The following PPP1R12B variants were observed in gnomAD, a reference collection of about 807,000 sequenced individuals.
PPP1R12B encodes the protein myosin phosphatase target subunit 2.
In PPP1R12B, 76 loss-of-function variants were observed where a neutral mutation model predicts 126.1. That is an observed-to-expected ratio of 0.60 (90% CI 0.50 to 0.73). PPP1R12B has a LOEUF of 0.73. Ranked by LOEUF, PPP1R12B falls within the 30% of genes least tolerant of loss-of-function variation. PPP1R12B has a pLI of 0.00. For missense variants in PPP1R12B, 1,052 were observed against 1,205.1 expected (o/e 0.87, Z 1.88); for synonymous variants, 356 against 434.7 (o/e 0.82, Z 2.25).
chr1:202,497,190 G>A (rs1275656435), intron 18 of PPP1R12B, among the ~76,000 whole-genome samples: 3 of 152,214 alleles, frequency 2.0e-5, no homozygotes, highest in Non-Finnish European at 4.4e-5. Flanking sequence ...AATAGAGAGG[G>A]ACATAAATGT....
intron 13 of PPP1R12B, among the ~76,000 whole-genome samples, chr1:202,452,885 T>G (rs2148729874): frequency 6.6e-6 from 1 of 152,074 alleles, no homozygotes; most frequent in East Asian, 1.9e-4. Flanking sequence ...CAAGCTGGTC[T>G]CAAACTCCTG....
At chr1:202,569,687 C>T (rs2149028663) in intron 23 of PPP1R12B, among the ~76,000 whole-genome samples, 1 of 152,272 alleles carries the variant, frequency 6.6e-6, no homozygotes, top group East Asian at 1.9e-4. Context: ...AATGTATTCA[C>T]ATATTGATTT....
chr1:202,527,576 T>G (rs1008892663), intron 18 of PPP1R12B: 4 of 152,166 alleles, frequency 2.6e-5, no homozygotes, highest in Admixed American at 6.5e-5. Flanking sequence ...AAACTTAGTT[T>G]AAGTGGACAC....
chr1:202,495,667 T>C lies in PPP1R12B; in HGVS notation c.2433T>C (p.Asn811=). The change falls in exon 17 of 24, where the codon AAT becomes AAC. Residue 811 remains asparagine, a synonymous_variant. Coordinates refer to ENST00000608999, the MANE Select transcript of PPP1R12B (RefSeq NM_002481.4). Reference sequence around the variant, plus strand: ...AACGACGAAGAGGCACAGGCATCAATTTCTGGACAAAGGATGTAAGTGGAT... The same window carrying C: ...AACGACGAAGAGGCACAGGCATCAACTTCTGGACAAAGGATGTAAGTGGAT... ...PKERRRGTGI[N]FWTKDEDETD... is the part of the protein sequence containing the mutation. 1.2e-6 allele frequency: 2 copies of C among 1,614,018 alleles called. No homozygotes were observed. The highest frequency in any genetic ancestry group is 1.7e-6 in the Non-Finnish European group (2 of 1,179,952).
chr1:202,566,613 G>GAT (rs1688072254), intron 21 of PPP1R12B, among the ~76,000 whole-genome samples: 1 of 152,160 alleles, frequency 6.6e-6, no homozygotes, highest in Non-Finnish European at 1.5e-5. Context: ...CAGCTCCTCA[G>GAT]GCTTAGGAAA....
intron 1 of PPP1R12B, among the ~76,000 whole-genome samples, chr1:202,390,173 C>T (rs1360972612): frequency 6.6e-6 from 1 of 152,134 alleles, no homozygotes; most frequent in Non-Finnish European, 1.5e-5. Flanking sequence ...TAAGACCATT[C>T]ACTGGGGAAG....
Position 202,361,565 on chromosome 1 carries a change from C to G in PPP1R12B, c.291+12423C>G, listed in dbSNP as rs76955972. On this transcript the variant is annotated intron_variant, in intron 1 of 23. Coordinates refer to ENST00000608999, the MANE Select transcript of PPP1R12B (RefSeq NM_002481.4). ...ACACATTTCCCACCAGGCCCCACTTCCAAAATTGGGGATCACATTTCAACA... is the reference window on the plus strand; with the variant it reads ...ACACATTTCCCACCAGGCCCCACTTGCAAAATTGGGGATCACATTTCAACA... Among the ~76,000 whole-genome samples, 53 of 152,272 alleles carry G rather than the reference C, an allele frequency of 3.5e-4. 1 individual carries two copies. In the East Asian group the frequency reaches 9.8e-3, roughly 28 times the overall value.
intron 18 of PPP1R12B, among the ~76,000 whole-genome samples, chr1:202,525,991 A>C (rs983421435): frequency 1.3e-5 from 2 of 152,210 alleles, no homozygotes; most frequent in African/African-American, 4.8e-5. Context: ...TGCCACACCC[A>C]TCCAGAAAAG....
At chr1:202,539,307 T>C (rs1388377178) in intron 18 of PPP1R12B, among the ~76,000 whole-genome samples, 2 of 152,200 alleles carry the variant, frequency 1.3e-5, no homozygotes, top group Admixed American at 6.5e-5. Flanking sequence ...CAGGCTTTCT[T>C]TTCCTCCTAC....
At chr1:202,401,361 A>ATTTTTTT (rs34810265) in intron 1 of PPP1R12B, among the ~76,000 whole-genome samples, 811 of 71,474 alleles carry the variant, frequency 0.011, 35 homozygotes, top group Middle Eastern at 0.032. Flanking sequence ...GGCTAATTTA[A>ATTTTTTT]TTTTTTTTTT....
chr1:202,590,577 G>C lies in PPP1R12B; in HGVS notation c.*10017G>C, dbSNP rs918579009. On this transcript the variant is annotated 3_prime_UTR_variant, in exon 24 of 24. Transcript: ENST00000608999. ...CCTCAGCGCAGCAAAAACAACCAGA[G>C]ACACCCCCCACCCCCAGGTTTCTTT... is the stretch of plus-strand genomic sequence containing the variant. 1 of 150,542 alleles carries C rather than the reference G, an allele frequency of 6.6e-6. No individual in the cohort carries two copies. Among genetic ancestry groups the C allele is most frequent in the Admixed American group, 6.6e-5 (1 of 15,120 alleles). The allele number at this position is 150,542 out of a possible 1,614,324, so 9.3% of individuals were successfully genotyped here.
chr1:202,529,089 G>A (rs993618104), intron 18 of PPP1R12B, among the ~76,000 whole-genome samples: 1 of 152,130 alleles, frequency 6.6e-6, no homozygotes, highest in African/African-American at 2.4e-5. Flanking sequence ...AAACCTAGTA[G>A]TACAATGGCA....
At chr1:202,534,479 A>T (rs549369852) in intron 18 of PPP1R12B, among the ~76,000 whole-genome samples, 1 of 152,124 alleles carries the variant, frequency 6.6e-6, no homozygotes, top group Non-Finnish European at 1.5e-5. Flanking sequence ...TTACATATAC[A>T]TGTACATTTA....
At chr1:202,349,182 C>T (rs768666180) in intron 1 of PPP1R12B, 40 bp downstream of exon 1, 11 of 1,608,124 alleles carry the variant, frequency 6.8e-6, no homozygotes, top group Non-Finnish European at 9.3e-6. Flanking sequence ...CAGTCTCCTA[C>T]AGATGAGCCT....
In PPP1R12B at chr1:202,584,848, T is replaced by TATCA. The variant is rs758471998; in HGVS notation, c.*4289_*4292dup. On this transcript the variant is annotated 3_prime_UTR_variant, in exon 24 of 24. Coordinates refer to ENST00000608999, the MANE Select transcript of PPP1R12B (RefSeq NM_002481.4). ...ATGAGCCACTGGTTCCACTGGAGCT[T>TATCA]ATCAGTGAAGTAACACTGCAGGAGC... 6.6e-6 allele frequency: 1 copy of TATCA among 152,228 alleles called. No individual in the cohort carries two copies. The highest frequency in any genetic ancestry group is 1.5e-5 in the Non-Finnish European group (1 of 68,054). 9.4% of individuals were successfully genotyped at this position (152,228 alleles called of 1,614,324 possible).
chr1:202,511,070 T>TTATA (rs1681436364), intron 18 of PPP1R12B, among the ~76,000 whole-genome samples: 1 of 146,862 alleles, frequency 6.8e-6, no homozygotes, highest in Non-Finnish European at 1.5e-5. Context: ...ATAATATATA[T>TTATA]TATATATATT....
intron 23 of PPP1R12B, among the ~76,000 whole-genome samples, chr1:202,580,088 G>A (rs1022801423): frequency 2.6e-5 from 4 of 152,014 alleles, no homozygotes; most frequent in African/African-American, 7.2e-5. Context: ...CTTTCCCTAT[G>A]TCCTCACCAG....
At chr1:202,442,277 A>C (rs1328235004) in intron 11 of PPP1R12B, among the ~76,000 whole-genome samples, 170 bp from the exon 12 acceptor site, 2 of 152,262 alleles carry the variant, frequency 1.3e-5, no homozygotes, top group Non-Finnish European at 2.9e-5. Flanking sequence ...AGCAGGCAGT[A>C]ATACTTCTCT....
rs538267812 is a variant in PPP1R12B at position 202,409,478 on chromosome 1, C to T, written c.292-7309C>T. On this transcript the variant is annotated intron_variant, in intron 1 of 23. Coordinates refer to ENST00000608999, the MANE Select transcript of PPP1R12B (RefSeq NM_002481.4). Reference sequence around the variant, plus strand: ...CTGGGACTACAGGCACGCGCCACCACGCCCAGCTAATTTTTTGTATTTTAG... The same window carrying T: ...CTGGGACTACAGGCACGCGCCACCATGCCCAGCTAATTTTTTGTATTTTAG... Among the ~76,000 whole-genome samples, 23 of 151,790 alleles carry T rather than the reference C, an allele frequency of 1.5e-4. 2 individuals are homozygous for T. The South Asian group carries it at 2.5e-3, about 16-fold the overall frequency.
Sources: allele counts gnomAD v4.1 joint callset (sites outside exome capture counted in the v4.1 genomes callset), GRCh38; gene constraint gnomAD v4.1.1; transcripts MANE v1.5; gene names NCBI Gene and HGNC (gene_info 2026-07-23, HGNC 2026-07-21).